SV2C: variants seen among roughly 807,000 people sequenced by gnomAD.
SV2C encodes the protein synaptic vesicle glycoprotein 2C.
SV2C carries 49 observed loss-of-function variants against 79.7 expected under a neutral mutation model. That is an observed-to-expected ratio of 0.61 (90% confidence interval 0.49 to 0.78). The LOEUF is 0.78. Ranked by LOEUF, SV2C falls within the 30% of genes least tolerant of loss-of-function variation. The pLI is 0.00. For missense variants in SV2C, 833 were observed against 912.9 expected (o/e 0.91, Z 1.13); for synonymous variants, 334 against 333.2 (o/e 1.00, Z -0.03).
At chr5:76,252,801 C>T (rs1423029168) in intron 4 of SV2C, among the ~76,000 whole-genome samples, 3 of 152,182 alleles carry the variant, frequency 2.0e-5, no homozygotes, top group African/African-American at 7.2e-5. Context: ...AAGTAAAACT[C>T]CTTCCATTTG....
At chr5:75,997,981 T>C in the SV2C span, among the ~76,000 whole-genome samples, 69,726 of 149,192 alleles carry the variant, frequency 0.47, 16,891 homozygotes, top group Middle Eastern at 0.63. Context: ...GAAAATGTGG[T>C]ACATATACAC....
chr5:76,335,646 G>A (rs536828625), downstream of SV2C, among the ~76,000 whole-genome samples: 2 of 152,080 alleles, frequency 1.3e-5, no homozygotes, highest in Admixed American at 6.5e-5. Context: ...CTGCCTTCAA[G>A]CATCTGTTTA....
chr5:76,185,233 T>C (rs1408442411), intron 2 of SV2C, among the ~76,000 whole-genome samples: 1 of 152,216 alleles, frequency 6.6e-6, no homozygotes, highest in Admixed American at 6.5e-5. Context: ...CTTTGCAGGG[T>C]ACAGTTGCTG....
intron 1 of SV2C, among the ~76,000 whole-genome samples, chr5:76,104,587 C>A (rs1747848299): frequency 6.6e-6 from 1 of 152,198 alleles, no homozygotes; most frequent in Non-Finnish European, 1.5e-5. Context: ...GTGAATAGAG[C>A]TTTATCAGCA....
chr5:76,016,254 T>TAAAAAAAAAA, the SV2C span, among the ~76,000 whole-genome samples: 62 of 90,336 alleles, frequency 6.9e-4, 4 homozygotes, highest in African/African-American at 8.7e-4. Flanking sequence ...TTTAATTTTC[T>TAAAAAAAAAA]AAAAAAAAAA....
chr5:75,859,495 A>G, the SV2C span, among the ~76,000 whole-genome samples: 8 of 152,330 alleles, frequency 5.3e-5, no homozygotes, highest in South Asian at 1.7e-3. Context: ...ATAGGAAAAT[A>G]AGAAGTTTAA....
chr5:76,274,317 G>C (rs554798667), intron 4 of SV2C, among the ~76,000 whole-genome samples: 2 of 152,032 alleles, frequency 1.3e-5, no homozygotes, highest in African/African-American at 4.8e-5. Flanking sequence ...TCAGAATGGA[G>C]GACTATAATT....
chr5:76,074,200 A>G, the SV2C span, among the ~76,000 whole-genome samples: 1 of 152,242 alleles, frequency 6.6e-6, no homozygotes, highest in Non-Finnish European at 1.5e-5. Flanking sequence ...GATTTAAAGC[A>G]GGTAAATTGT....
chr5:76,353,660 T>A (rs1200319205), exon 13 of SV2C: 1 of 152,330 alleles, frequency 6.6e-6, no homozygotes, highest in Non-Finnish European at 1.5e-5. Flanking sequence ...ACAGACCACT[T>A]TACACACTTG....
At chr5:76,096,135 T>C (rs1747550494) in intron 1 of SV2C, among the ~76,000 whole-genome samples, 1 of 152,080 alleles carries the variant, frequency 6.6e-6, no homozygotes, top group South Asian at 2.1e-4. Context: ...TGTTGAAGGG[T>C]TTTTCTAATA....
chr5:76,006,008 T>C, the SV2C span, among the ~76,000 whole-genome samples: 1 of 152,218 alleles, frequency 6.6e-6, no homozygotes, highest in Non-Finnish European at 1.5e-5. Flanking sequence ...CTTCCTTTAC[T>C]TATTCTAAAC....
chr5:76,242,326 G>C, intron 4 of SV2C: 1 of 1,452,958 alleles, frequency 6.9e-7, no homozygotes, highest in Non-Finnish European at 9.5e-7. Flanking sequence ...CGGGACATAG[G>C]TGCTGGACGC....
At chr5:76,135,961 G>T (rs913167905) in intron 2 of SV2C, among the ~76,000 whole-genome samples, 2 of 152,156 alleles carry the variant, frequency 1.3e-5, no homozygotes, top group Admixed American at 6.5e-5. Flanking sequence ...CATCAGAGGG[G>T]CTGGCCTCCC....
chr5:76,010,689 C>T, the SV2C span, among the ~76,000 whole-genome samples: 2 of 152,194 alleles, frequency 1.3e-5, no homozygotes, highest in East Asian at 1.9e-4. Context: ...GAAACTTTAG[C>T]TTAAGTGTAT....
At chr5:76,127,566 A>G (rs1322904105) in intron 1 of SV2C, among the ~76,000 whole-genome samples, 1 of 152,158 alleles carries the variant, frequency 6.6e-6, no homozygotes, top group East Asian at 1.9e-4. Flanking sequence ...ATATTTATCA[A>G]GTGGTTTTAC....
the SV2C span, among the ~76,000 whole-genome samples, chr5:75,985,058 A>G: frequency 6.6e-6 from 1 of 151,922 alleles, no homozygotes; most frequent in African/African-American, 2.4e-5. Flanking sequence ...TGGTGGCTGG[A>G]ATGTTCAAGA....
the SV2C span, among the ~76,000 whole-genome samples, chr5:76,074,664 T>C: frequency 6.6e-6 from 1 of 152,184 alleles, no homozygotes; most frequent in African/African-American, 2.4e-5. Flanking sequence ...CACTTCTAAG[T>C]GACACACTGC....
chr5:75,911,573 C>T, the SV2C span: 2 of 676,176 alleles, frequency 3.0e-6, no homozygotes, highest in Non-Finnish European at 5.5e-6. Context: ...GAGTTCTCCC[C>T]TAATCCAGAA....
chr5:75,950,072 G>A, the SV2C span, among the ~76,000 whole-genome samples: 1 of 152,050 alleles, frequency 6.6e-6, no homozygotes, highest in African/African-American at 2.4e-5. Flanking sequence ...GAGTCTTGAT[G>A]TAGCTCCCAG....
Sources: gnomAD v4.1 joint callset for allele counts (sites outside exome capture counted in the v4.1 genomes callset) on GRCh38, gnomAD v4.1.1 for gene constraint, MANE v1.5 for transcripts, NCBI Gene and HGNC (gene_info 2026-07-23, HGNC 2026-07-21) for gene names.